Variants in MARVELD2 observed in about 807,000 individuals in gnomAD.
MARVELD2 encodes MARVEL domain-containing protein 2.
In MARVELD2, 49 loss-of-function variants were observed where a neutral mutation model predicts 57.6. The ratio of observed to expected loss-of-function variants is 0.85; its 90% CI spans 0.68 to 1.08. The LOEUF (loss-of-function observed/expected upper bound fraction) is 1.08. MARVELD2 is among the 50% of genes least tolerant of loss of function. MARVELD2 has a pLI of 0.00. For missense variants in MARVELD2, 606 were observed against 701.1 expected (o/e 0.86, Z 1.53); for synonymous variants, 238 against 258.8 (o/e 0.92, Z 0.77).
chr5:69,419,887 A>G lies in MARVELD2; in HGVS notation c.502A>G (p.Thr168Ala). Residue 168 changes from threonine (T) to alanine (A), a missense_variant, in exon 2 of 7, where the codon ACA becomes GCA. By Grantham distance (58) the Thr-to-Ala change is moderately conservative. Coordinates refer to ENST00000325631, the MANE Select transcript of MARVELD2 (RefSeq NM_001038603.3). Reference sequence around the variant, plus strand: ...TGGATCTCTAGACCGACACACACAAACAGTTCGAACATACAGTGAGAAGGT... The same window carrying G: ...TGGATCTCTAGACCGACACACACAAGCAGTTCGAACATACAGTGAGAAGGT... ...PYGSLDRHTQ[T>A]VRTYSEKVEE... 6 of 1,614,088 alleles carry G rather than the reference A, an allele frequency of 3.7e-6. No homozygotes were observed. Among genetic ancestry groups the G allele is most frequent in the Non-Finnish European group, 5.1e-6 (6 of 1,180,028 alleles).
chr5:69,430,779 C>T (rs1414575615), intron 3 of MARVELD2, among the ~76,000 whole-genome samples: 1 of 151,860 alleles, frequency 6.6e-6, no homozygotes, highest in African/African-American at 2.4e-5. Flanking sequence ...AATGATCCAC[C>T]CCCCTCGGCC....
intron 2 of MARVELD2, among the ~76,000 whole-genome samples, chr5:69,422,710 A>G (rs535583567): frequency 3.3e-5 from 5 of 152,106 alleles, no homozygotes; most frequent in Admixed American, 6.6e-5. Context: ...CCCACACCCT[A>G]TTCATACACT....
At chr5:69,437,188 CAAAA>C (rs70992937) in intron 5 of MARVELD2, among the ~76,000 whole-genome samples, 3 of 113,254 alleles carry the variant, frequency 2.6e-5, no homozygotes, top group Non-Finnish European at 3.6e-5. Flanking sequence ...GACTTCATCT[CAAAA>C]AAAAAAAAAA....
Position 69,419,505 on chromosome 5 carries a change from A to G in MARVELD2, c.120A>G (p.Ala40=). 1 of 1,614,180 alleles carries G rather than the reference A, an allele frequency of 6.2e-7. No individual in the cohort carries two copies. The highest frequency in any genetic ancestry group is 8.5e-7 in the Non-Finnish European group (1 of 1,180,020). The part of the protein sequence containing the change: ...THPTLHDSER[A]VSADPLPPPP... ...CAACTCTTCATGACAGTGAGCGGGC[A>G]GTGAGCGCTGATCCCTTGCCACCAC... The change falls in exon 2 of 7, where the codon GCA becomes GCG. Residue 40 remains alanine (A), a synonymous_variant. Coordinates refer to ENST00000325631, the MANE Select transcript of MARVELD2 (RefSeq NM_001038603.3).
In MARVELD2 at chr5:69,420,345, C is replaced by T; in HGVS notation, c.960C>T (p.Leu320=). The T allele has an allele frequency of 6.2e-7, 1 of 1,614,194 alleles. No individual in the cohort carries two copies. The highest frequency in any genetic ancestry group is 8.5e-7 in the Non-Finnish European group (1 of 1,180,046). Residue 320 remains leucine, a synonymous_variant, in exon 2 of 7, where the codon CTC becomes CTT. Transcript: ENST00000325631. Reference sequence around the variant, plus strand: ...TGAATGATACCAACCGAGGTGGCCTCTGCTACTATCCGTTATTTAATACAC... The same window carrying T: ...TGAATGATACCAACCGAGGTGGCCTTTGCTACTATCCGTTATTTAATACAC... ...VYVNDTNRGG[L]CYYPLFNTPV... is the part of the protein sequence containing the mutation.
Position 69,420,476 on chromosome 5 carries a change from A to C in MARVELD2, c.1091A>C (p.Lys364Thr), listed in dbSNP as rs530063691. The change falls in exon 2 of 7, where the codon AAG becomes ACG. Residue 364 changes from lysine (K) to threonine (T), a missense_variant. Transcript: ENST00000325631. ...CTCATTAGTGCTTTGGTTTGCCTAA[A>C]GTTATGGAGGCATGAGGCAGCTCGG... is the stretch of plus-strand genomic sequence containing the variant. ...VYLISALVCLKLWRHEAARRH... is the reference protein window; with the variant it reads ...VYLISALVCLTLWRHEAARRH... 1 of 1,613,406 alleles carries C rather than the reference A, an allele frequency of 6.2e-7. No homozygotes were observed. The highest frequency in any genetic ancestry group is 1.3e-5 in the African/African-American group (1 of 74,932).
chr5:69,428,803 A>G (rs1282038222), intron 3 of MARVELD2, among the ~76,000 whole-genome samples: 1 of 152,198 alleles, frequency 6.6e-6, no homozygotes, highest in East Asian at 1.9e-4. Context: ...GCACCATGAG[A>G]TCTGGATTGT....
At position 69,420,091 on chromosome 5, in the gene MARVELD2, G is replaced by A. The variant is rs370429615; in HGVS notation, c.706G>A (p.Val236Ile). 9.3e-6 allele frequency: 15 copies of A among 1,614,036 alleles called. No individual in the cohort carries two copies. Among genetic ancestry groups the A allele is most frequent in the African/African-American group, 5.3e-5 (4 of 74,902 alleles). ...GYSQPYGMGG[V>I]GGLGSMYGGY... ...TTCACAACCGTATGGCATGGGAGGC[G>A]TTGGTGGATTGGGCAGTATGTATGG... Residue 236 changes from valine to isoleucine, a missense_variant, in exon 2 of 7, where the codon GTT becomes ATT. Coordinates refer to ENST00000325631, the MANE Select transcript of MARVELD2 (RefSeq NM_001038603.3).
At chr5:69,433,381 G>C (rs1284468184) in intron 5 of MARVELD2, among the ~76,000 whole-genome samples, 1 of 151,416 alleles carries the variant, frequency 6.6e-6, no homozygotes, top group Non-Finnish European at 1.5e-5. Flanking sequence ...GCCAAGAGTG[G>C]CCTCAAGTGA....
intron 1 of MARVELD2, chr5:69,415,569 A>G (rs1216121367): frequency 1.3e-5 from 2 of 151,992 alleles, no homozygotes; most frequent in Non-Finnish European, 2.9e-5. Context: ...CCGGGCGCCC[A>G]GAGGCTGGCG....
At chr5:69,429,845 CAAAAAA>C (rs35899728) in intron 3 of MARVELD2, among the ~76,000 whole-genome samples, 14 of 126,722 alleles carry the variant, frequency 1.1e-4, no homozygotes, top group Non-Finnish European at 8.3e-5. Context: ...GACTCTGTAT[CAAAAAA>C]AAAAAAAAAA....
At position 69,419,952 on chromosome 5, in the gene MARVELD2, G is replaced by A. The variant is rs368342770; in HGVS notation, c.567G>A (p.Trp189Ter). ...TGAGATACTCCTACATGAAGTCGTG[G>A]GCAGGCCTGCTGAGAATACTGGGTG... ...YNLRYSYMKS[W>*]AGLLRILGVV... The change falls in exon 2 of 7, where the codon TGG becomes TGA. Residue 189 changes from tryptophan (W) to a stop codon, truncating the protein, a stop_gained. Coordinates refer to ENST00000325631, the MANE Select transcript of MARVELD2 (RefSeq NM_001038603.3). LOFTEE classifies it high-confidence loss of function. 5.0e-6 allele frequency: 8 copies of A among 1,614,032 alleles called. No individual in the cohort carries two copies. The highest frequency in any genetic ancestry group is 6.8e-6 in the Non-Finnish European group (8 of 1,180,038).
chr5:69,431,422 C>T (rs550985685), intron 3 of MARVELD2, among the ~76,000 whole-genome samples: 3 of 152,080 alleles, frequency 2.0e-5, no homozygotes, highest in Non-Finnish European at 4.4e-5. Flanking sequence ...CAACTCATTT[C>T]CTTTTCTAAT....
At position 69,432,592 on chromosome 5, in the gene MARVELD2, A is replaced by C. The variant is rs146746360; in HGVS notation, c.1248A>C (p.Thr416=). 690 of 1,614,222 alleles carry C rather than the reference A, an allele frequency of 4.3e-4. 4 individuals carry two copies. The highest frequency in any genetic ancestry group is 1.6e-4 in the Non-Finnish European group (190 of 1,180,044). The change falls in exon 4 of 7, where the codon ACA becomes ACC. Residue 416 remains threonine, a synonymous_variant. Transcript: ENST00000325631. Reference sequence around the variant, plus strand: ...AAGTTAATTTCAAGGAACTGAGAACAGCAAAAATGAAACCTGAACTACTGA... The same window carrying C: ...AAGTTAATTTCAAGGAACTGAGAACCGCAAAAATGAAACCTGAACTACTGA... ...DSEVNFKELR[T]AKMKPELLSG...
At position 69,419,650 on chromosome 5, in the gene MARVELD2, T is replaced by C. The variant is rs1369439262; in HGVS notation, c.265T>C (p.Phe89Leu). Residue 89 changes from phenylalanine (F) to leucine (L), a missense_variant, in exon 2 of 7, where the codon TTT becomes CTT. Coordinates refer to ENST00000325631, the MANE Select transcript of MARVELD2 (RefSeq NM_001038603.3). Reference protein sequence around the residue: ...RRFVPDSWKNFFRGKKKDPEW... With the variant: ...RRFVPDSWKNLFRGKKKDPEW... The stretch of plus-strand genomic sequence containing the variant: ...CTTTGTCCCTGACTCCTGGAAGAAC[T>C]TTTTCAGAGGGAAGAAAAAGGACCC... 1.2e-6 allele frequency: 2 copies of C among 1,614,014 alleles called. No homozygotes were observed. Among genetic ancestry groups the C allele is most frequent in the African/African-American group, 1.3e-5 (1 of 74,892 alleles).
At chr5:69,433,381 G>A (rs1284468184) in intron 5 of MARVELD2, among the ~76,000 whole-genome samples, 5 of 151,416 alleles carry the variant, frequency 3.3e-5, no homozygotes, top group African/African-American at 9.7e-5. Context: ...GCCAAGAGTG[G>A]CCTCAAGTGA....
intron 1 of MARVELD2, chr5:69,419,070 C>T (rs933215507): frequency 6.8e-5 from 29 of 429,260 alleles, no homozygotes; most frequent in South Asian, 4.1e-4. Flanking sequence ...GGATCACAGG[C>T]GCATGCCACA....
rs577333969 is a variant in MARVELD2, at chr5:69,418,091, G to C, written c.-15-1280G>C. Among the ~76,000 whole-genome samples, 3 of 152,160 alleles carry C rather than the reference G, an allele frequency of 2.0e-5. No individual in the cohort carries two copies. The South Asian group carries it at 6.2e-4, about 32-fold the overall frequency. On this transcript the variant is annotated intron_variant, in intron 1 of 6. Coordinates refer to ENST00000325631, the MANE Select transcript of MARVELD2 (RefSeq NM_001038603.3). ...CTCCTATGCTCTGGCCTGGGAAACA[G>C]AGTGAGACCCTGTCTTAAAAATATT...
intron 3 of MARVELD2, among the ~76,000 whole-genome samples, chr5:69,429,280 T>C (rs1053651231): frequency 1.3e-5 from 2 of 152,166 alleles, no homozygotes; most frequent in Admixed American, 1.3e-4. Context: ...GTTAAAGTGC[T>C]AGTGGTTTTT....
Sources: gnomAD v4.1 joint callset for allele counts (sites outside exome capture counted in the v4.1 genomes callset) on GRCh38, gnomAD v4.1.1 for gene constraint, MANE v1.5 for transcripts, NCBI Gene and HGNC (gene_info 2026-07-23, HGNC 2026-07-21) for gene names.